Variants in AGBL4 observed in about 807,000 individuals in gnomAD.
The protein encoded by AGBL4 is cytosolic carboxypeptidase 6.
Under a neutral mutation model 66.4 loss-of-function variants are expected in AGBL4, and 58 were observed. The ratio of observed to expected loss-of-function variants is 0.87; its 90% CI spans 0.71 to 1.09. The LOEUF (loss-of-function observed/expected upper bound fraction) is 1.09. AGBL4 is among the 50% of genes least tolerant of loss of function. AGBL4 has a pLI of 0.00. For missense variants in AGBL4, 579 were observed against 631.0 expected, an observed-to-expected ratio of 0.92 and a Z score of 0.88; for synonymous variants, 234 against 222.9, an observed-to-expected ratio of 1.05 and a Z score of -0.44.
chr1:49,662,058 C>A (rs1646279279), intron 3 of AGBL4, among the ~76,000 whole-genome samples: 1 of 151,358 alleles, frequency 6.6e-6, no homozygotes, highest in Non-Finnish European at 1.5e-5. Flanking sequence ...ATAAGCCAGA[C>A]AAAAAGAAAT....
chr1:48,691,136 C>A (rs6674030), intron 6 of AGBL4, among the ~76,000 whole-genome samples: 91 of 128,354 alleles, frequency 7.1e-4, no homozygotes, highest in Admixed American at 1.0e-3. Context: ...CCAGCCTGGG[C>A]GACAGAGTGA....
chr1:49,337,175 A>G (rs1451626281), intron 3 of AGBL4, among the ~76,000 whole-genome samples: 1 of 152,174 alleles, frequency 6.6e-6, no homozygotes, highest in African/African-American at 2.4e-5. Context: ...GCACCTAAAC[A>G]TGGTTATCTT....
chr1:48,638,914 G>A (rs1216069874), intron 8 of AGBL4, among the ~76,000 whole-genome samples: 2 of 152,184 alleles, frequency 1.3e-5, no homozygotes, highest in Non-Finnish European at 2.9e-5. Context: ...TCTAGTGGGA[G>A]TGTTGAGGGC....
At chr1:49,804,974 C>T (rs887648468) in intron 2 of AGBL4, among the ~76,000 whole-genome samples, 14 of 152,110 alleles carry the variant, frequency 9.2e-5, no homozygotes, top group Non-Finnish European at 1.6e-4. Context: ...ACATATGACT[C>T]TAAAGCACAT....
chr1:49,656,741 A>C lies in AGBL4; in HGVS notation c.282+40572T>G, dbSNP rs138340457. Among the ~76,000 whole-genome samples, 590 of 152,290 alleles carry C rather than the reference A, an allele frequency of 3.9e-3. 3 individuals are homozygous for C. The highest frequency in any genetic ancestry group is 0.013 in the African/African-American group (552 of 41,560). ...AAACATAATCCAGCATATAAACAGA[A>C]CCAAAGACAAAAACCACACGATTAT... On this transcript the variant is annotated intron_variant, in intron 3 of 13. Coordinates refer to ENST00000371839, the MANE Select transcript of AGBL4 (RefSeq NM_032785.4).
intron 3 of AGBL4, among the ~76,000 whole-genome samples, chr1:49,292,771 G>C (rs980543693): frequency 6.6e-6 from 1 of 151,738 alleles, no homozygotes; most frequent in Admixed American, 6.6e-5. Flanking sequence ...ATGATGACTT[G>C]TTGGCAGAGA....
chr1:49,062,693 C>T (rs2147914630), intron 4 of AGBL4, among the ~76,000 whole-genome samples: 1 of 152,236 alleles, frequency 6.6e-6, no homozygotes, highest in East Asian at 1.9e-4. Flanking sequence ...ACATCTTATA[C>T]ACAAAGGCCA....
At chr1:49,731,158 T>C (rs1197406624) in intron 2 of AGBL4, among the ~76,000 whole-genome samples, 1 of 152,224 alleles carries the variant, frequency 6.6e-6, no homozygotes, top group Non-Finnish European at 1.5e-5. Context: ...GCTCTTCTAC[T>C]GAAGACCAAA....
intron 5 of AGBL4, among the ~76,000 whole-genome samples, chr1:48,929,118 T>C (rs2148900670): frequency 6.6e-6 from 1 of 152,300 alleles, no homozygotes; most frequent in African/African-American, 2.4e-5. Context: ...GTCTCTGAGA[T>C]GGTATAACTT....
chr1:49,316,395 A>C (rs1374012325), intron 3 of AGBL4, among the ~76,000 whole-genome samples: 1 of 151,944 alleles, frequency 6.6e-6, no homozygotes, highest in Non-Finnish European at 1.5e-5. Flanking sequence ...AATTTCATTC[A>C]ATTTTTTCCG....
At chr1:49,925,795 G>T (rs908608833) in intron 1 of AGBL4, among the ~76,000 whole-genome samples, 1 of 152,204 alleles carries the variant, frequency 6.6e-6, no homozygotes, top group Admixed American at 6.5e-5. Flanking sequence ...TCTGCCTGGG[G>T]AGTTGGTGAG....
In AGBL4 at chr1:49,497,203, C is replaced by T. The variant is rs547858688; in HGVS notation, c.282+200110G>A. Among the ~76,000 whole-genome samples the T allele has an allele frequency of 2.0e-5, 3 of 152,062 alleles. No individual in the cohort carries two copies. The South Asian group carries it at 6.2e-4, about 32-fold the overall frequency. On this transcript the variant is annotated intron_variant, in intron 3 of 13. Coordinates refer to ENST00000371839, the MANE Select transcript of AGBL4 (RefSeq NM_032785.4). ...AGAAATGTCTAATAGTACCTTTGCC[C>T]ATTTTTAAAAATAGGGTTATTTGTT...
chr1:49,221,443 C>T (rs1219142577), intron 4 of AGBL4, among the ~76,000 whole-genome samples: 2 of 152,076 alleles, frequency 1.3e-5, no homozygotes, highest in East Asian at 3.9e-4. Flanking sequence ...ATTTAAGTGG[C>T]TTCCTCATCC....
At chr1:49,131,152 A>G (rs1028565501) in intron 4 of AGBL4, among the ~76,000 whole-genome samples, 1 of 152,124 alleles carries the variant, frequency 6.6e-6, no homozygotes, top group African/African-American at 2.4e-5. Context: ...TATATTCTAT[A>G]TTTCCATTTA....
At chr1:49,815,071 T>C (rs533256724) in intron 2 of AGBL4, among the ~76,000 whole-genome samples, 5 of 152,278 alleles carry the variant, frequency 3.3e-5, no homozygotes, top group South Asian at 2.1e-4. Flanking sequence ...AAAGTTATTA[T>C]TGACTATACT....
intron 5 of AGBL4, among the ~76,000 whole-genome samples, chr1:49,027,986 C>T (rs1386175166): frequency 6.6e-6 from 1 of 152,146 alleles, no homozygotes; most frequent in East Asian, 1.9e-4. Context: ...CATAGAGGTT[C>T]TGTTCAGGGA....
intron 1 of AGBL4, among the ~76,000 whole-genome samples, chr1:49,967,057 C>T (rs981916754): frequency 1.3e-5 from 2 of 152,142 alleles, no homozygotes; most frequent in African/African-American, 4.8e-5. Context: ...ATTTCTAGTT[C>T]TAGATCCTTG....
At chr1:49,218,983 G>A (rs1256418988) in intron 4 of AGBL4, among the ~76,000 whole-genome samples, 3 of 152,130 alleles carry the variant, frequency 2.0e-5, no homozygotes, top group African/African-American at 7.2e-5. Context: ...ATGTGGAACT[G>A]TGAGTCCATT....
intron 5 of AGBL4, among the ~76,000 whole-genome samples, chr1:48,975,561 C>G (rs1397266001): frequency 6.6e-6 from 1 of 152,116 alleles, no homozygotes; most frequent in Non-Finnish European, 1.5e-5. Context: ...ACATCTGACT[C>G]TGGGACATCA....
Sources: allele counts gnomAD v4.1 joint callset (sites outside exome capture counted in the v4.1 genomes callset), GRCh38; gene constraint gnomAD v4.1.1; transcripts MANE v1.5; gene names NCBI Gene and HGNC (gene_info 2026-07-23, HGNC 2026-07-21).